Variants in MIR2052HG observed in about 807,000 individuals in gnomAD.
The protein encoded by MIR2052HG is MIR2052 host gene.
chr8:74,690,989 A>G (rs1563532562), intron 2 of MIR2052HG, among the ~76,000 whole-genome samples: 1 of 152,190 alleles, frequency 6.6e-6, no homozygotes, highest in African/African-American at 2.4e-5. Flanking sequence ...TGAGAGATGA[A>G]GTATCATATA....
At chr8:74,665,699 G>T (rs1808915596) in intron 2 of MIR2052HG, among the ~76,000 whole-genome samples, 1 of 151,718 alleles carries the variant, frequency 6.6e-6, no homozygotes, top group African/African-American at 2.4e-5. Context: ...AATACTTCAG[G>T]CCATATTGCC....
intron 4 of MIR2052HG, among the ~76,000 whole-genome samples, chr8:74,729,375 A>C (rs1236542896): frequency 6.6e-6 from 1 of 152,182 alleles, no homozygotes; most frequent in Non-Finnish European, 1.5e-5. Context: ...TGTAATGTGC[A>C]CTATTTTATG....
At chr8:74,753,441 G>A (rs764933128) in intron 5 of MIR2052HG, among the ~76,000 whole-genome samples, 6 of 152,200 alleles carry the variant, frequency 3.9e-5, no homozygotes, top group Non-Finnish European at 5.9e-5. Flanking sequence ...AAATCATAGT[G>A]ATTCTCCAAT....
intron 2 of MIR2052HG, among the ~76,000 whole-genome samples, chr8:74,665,010 A>C (rs1808906856): frequency 6.6e-6 from 1 of 152,166 alleles, no homozygotes; most frequent in East Asian, 1.9e-4. Flanking sequence ...TTTTATTCTC[A>C]GTGTATTTCC....
intron 4 of MIR2052HG, among the ~76,000 whole-genome samples, chr8:74,709,733 A>G (rs978822301): frequency 6.6e-6 from 1 of 152,094 alleles, no homozygotes; most frequent in African/African-American, 2.4e-5. Flanking sequence ...TTATTCCTCA[A>G]GTATTTCATG....
intron 2 of MIR2052HG, among the ~76,000 whole-genome samples, chr8:74,630,408 A>G (rs1257882523): frequency 6.6e-6 from 1 of 152,070 alleles, no homozygotes; most frequent in Non-Finnish European, 1.5e-5. Context: ...TTTCTGTCCA[A>G]GCACAGAGAA....
intron 2 of MIR2052HG, among the ~76,000 whole-genome samples, chr8:74,698,240 A>G (rs942873946): frequency 6.6e-6 from 1 of 151,858 alleles, no homozygotes; most frequent in African/African-American, 2.4e-5. Context: ...CAATACAAAC[A>G]AAAACAAAGT....
In MIR2052HG at chr8:74,673,910, T is replaced by TATATATATATATATATACAC. The variant is rs1485340799; in HGVS notation, n.217-28468_217-28467insTATATATATATATATACACA. Among the ~76,000 whole-genome samples the TATATATATATATATATACAC allele has an allele frequency of 5.3e-4, 70 of 133,212 alleles. 1 individual carries two copies. Among genetic ancestry groups the TATATATATATATATATACAC allele is most frequent in the African/African-American group, 2.0e-3 (59 of 29,520 alleles). The allele number at this position is 133,212 out of a possible 152,430, so 87.4% of individuals were successfully genotyped here. On this transcript the variant is annotated intron_variant and non_coding_transcript_variant, in intron 2 of 6. Transcript: ENST00000523442. ...TTGTATATATATATATATATATATA[T>TATATATATATATATATACAC]ACACACACAAAATATCTATCTATAT...
intron 4 of MIR2052HG, among the ~76,000 whole-genome samples, chr8:74,734,972 T>C (rs1289578174): frequency 2.0e-5 from 3 of 152,334 alleles, no homozygotes; most frequent in Middle Eastern, 3.4e-3. Flanking sequence ...GCTGAACATA[T>C]CTGTCAGTGG....
chr8:74,629,444 G>C (rs1047431288), intron 2 of MIR2052HG, among the ~76,000 whole-genome samples: 1 of 152,064 alleles, frequency 6.6e-6, no homozygotes, highest in African/African-American at 2.4e-5. Context: ...TGCCTAGGGT[G>C]GGGGAGTGTT....
chr8:74,749,172 A>C (rs1405584814), intron 4 of MIR2052HG, among the ~76,000 whole-genome samples: 1 of 152,190 alleles, frequency 6.6e-6, no homozygotes, highest in Non-Finnish European at 1.5e-5. Flanking sequence ...TAAACATTGA[A>C]CAAAATGATT....
intron 2 of MIR2052HG, among the ~76,000 whole-genome samples, chr8:74,640,841 T>C (rs1808632198): frequency 6.6e-6 from 1 of 152,202 alleles, no homozygotes; most frequent in African/African-American, 2.4e-5. Flanking sequence ...TTGCCTTAGC[T>C]TACTTCAACA....
chr8:74,685,589 T>C (rs1809171529), intron 2 of MIR2052HG, among the ~76,000 whole-genome samples: 1 of 152,126 alleles, frequency 6.6e-6, no homozygotes, highest in Admixed American at 6.6e-5. Flanking sequence ...GTCATAGTCT[T>C]CCACTTGTAT....
rs142837187 is a variant in MIR2052HG, at chr8:74,654,035, C to T, written n.216+41095C>T. ...CTTACATATGCAAATAGAGGCACCT[C>T]AGGACCAGTTTTTGTAAATTGTAGA... On this transcript the variant is annotated intron_variant and non_coding_transcript_variant, in intron 2 of 6. Transcript: ENST00000523442. 5.4e-4 allele frequency among the ~76,000 whole-genome samples: 82 copies of T among 152,266 alleles called. 1 individual carries two copies. The East Asian group carries it at 0.014, about 26-fold the overall frequency.
intron 2 of MIR2052HG, among the ~76,000 whole-genome samples, chr8:74,620,891 T>C (rs931580348): frequency 1.3e-5 from 2 of 152,244 alleles, no homozygotes; most frequent in Non-Finnish European, 2.9e-5. Context: ...TTCTATTGCA[T>C]GGTCAGGTTG....
At chr8:74,608,173 CT>C (rs1808139211) in intron 1 of MIR2052HG, among the ~76,000 whole-genome samples, 1 of 152,130 alleles carries the variant, frequency 6.6e-6, no homozygotes, top group Non-Finnish European at 1.5e-5. Flanking sequence ...CTTGGATCAC[CT>C]TTTCGGTGGG....
intron 4 of MIR2052HG, among the ~76,000 whole-genome samples, chr8:74,716,785 G>A (rs1318421881): frequency 7.2e-5 from 11 of 152,250 alleles, no homozygotes; most frequent in East Asian, 3.9e-4. Flanking sequence ...ATTGTGTTGT[G>A]CCTCTGTACG....
At chr8:74,721,913 A>G (rs1809581508) in intron 4 of MIR2052HG, among the ~76,000 whole-genome samples, 1 of 152,312 alleles carries the variant, frequency 6.6e-6, no homozygotes, top group African/African-American at 2.4e-5. Context: ...AGGGCATTGG[A>G]CAGGCATAGT....
chr8:74,679,125 G>T (rs1809090171), intron 2 of MIR2052HG, among the ~76,000 whole-genome samples: 1 of 152,106 alleles, frequency 6.6e-6, no homozygotes, highest in South Asian at 2.1e-4. Context: ...AGTTTTTGGG[G>T]AACAGGTGGT....
Sources: allele counts gnomAD v4.1 joint callset (sites outside exome capture counted in the v4.1 genomes callset), GRCh38; gene constraint gnomAD v4.1.1; transcripts MANE v1.5; gene names NCBI Gene and HGNC (gene_info 2026-07-23, HGNC 2026-07-21).